ITPR1: variants seen among roughly 807,000 people sequenced by gnomAD.
ITPR1 encodes the protein inositol 1,4,5-trisphosphate receptor type 1.
A neutral mutation model predicts 318.4 loss-of-function variants in ITPR1; 96 were observed. The observed-to-expected ratio is 0.30, with a 90% CI of 0.26 to 0.36. ITPR1 has a LOEUF of 0.36. ITPR1 is among the 10% of genes least tolerant of loss of function. The pLI is 1.00. For missense variants in ITPR1, 2,440 were observed against 3,460.2 expected, an observed-to-expected ratio of 0.71 and a Z score of 7.40; for synonymous variants, 1,312 against 1,289.9, an observed-to-expected ratio of 1.02 and a Z score of -0.37.
At chr3:4,597,244 T>C (rs1271206927) in intron 4 of ITPR1, among the ~76,000 whole-genome samples, 1 of 152,226 alleles carries the variant, frequency 6.6e-6, no homozygotes, top group African/African-American at 2.4e-5. Context: ...TAAAACATTG[T>C]GTAGGCCAGA....
intron 61 of ITPR1, among the ~76,000 whole-genome samples, chr3:4,837,421 GCTTA>G (rs758738725): frequency 2.6e-5 from 4 of 151,990 alleles, no homozygotes; most frequent in African/African-American, 7.3e-5. Flanking sequence ...TTTCTCAGTG[GCTTA>G]CTGAGTGGCT....
chr3:4,568,112 T>G lies in ITPR1; in HGVS notation c.163+47018T>G, dbSNP rs540379536. Among the ~76,000 whole-genome samples, 3 of 151,980 alleles carry G rather than the reference T, an allele frequency of 2.0e-5. No homozygotes were observed. The East Asian group carries it at 5.8e-4, about 29-fold the overall frequency. On this transcript the variant is annotated intron_variant, in intron 4 of 61. Coordinates refer to ENST00000649015, the MANE Select transcript of ITPR1 (RefSeq NM_001378452.1). ...CCTGAGAAGAGAAGGAGATTAAGAG[T>G]CTGTGATTTTTACATAGTTGGGCCC...
At chr3:4,742,771 A>G (rs1186509014) in intron 44 of ITPR1, among the ~76,000 whole-genome samples, 3 of 152,084 alleles carry the variant, frequency 2.0e-5, no homozygotes, top group African/African-American at 7.2e-5. Context: ...AATTAATAAT[A>G]TTTTTATTTA....
chr3:4,787,337 C>CAAAAAAA (rs71053443), intron 51 of ITPR1, among the ~76,000 whole-genome samples: 46 of 51,334 alleles, frequency 9.0e-4, no homozygotes, highest in Middle Eastern at 0.016. Flanking sequence ...GACTCCATCT[C>CAAAAAAA]AAAAAAAAAA....
chr3:4,691,922 C>T (rs1222884033), intron 32 of ITPR1, among the ~76,000 whole-genome samples: 6 of 152,118 alleles, frequency 3.9e-5, no homozygotes, highest in African/African-American at 1.4e-4. Flanking sequence ...GAGGCTGAGG[C>T]AGGAGCATCA....
chr3:4,557,478 C>T (rs991783675), intron 4 of ITPR1, among the ~76,000 whole-genome samples: 1 of 152,106 alleles, frequency 6.6e-6, no homozygotes, highest in Non-Finnish European at 1.5e-5. Flanking sequence ...ATCACTGTGT[C>T]ATTCACCACC....
chr3:4,665,097 C>T (rs1233506635), intron 16 of ITPR1, 41 bp from the exon 17 acceptor site: 1 of 1,609,886 alleles, frequency 6.2e-7, no homozygotes. Context: ...GCTTTGAAGC[C>T]CTAAGTGATT....
At chr3:4,609,048 C>A (rs1185637304) in intron 4 of ITPR1, among the ~76,000 whole-genome samples, 20 of 20,684 alleles carry the variant, frequency 9.7e-4, no homozygotes, top group Non-Finnish European at 1.1e-3. Context: ...ACAACAACAA[C>A]GAAATATATA....
At chr3:4,706,478 A>G in intron 37 of ITPR1, 127 bp downstream of exon 37, 2 of 786,844 alleles carry the variant, frequency 2.5e-6, no homozygotes, top group Non-Finnish European at 3.9e-6. Context: ...TGCTGAACGA[A>G]TAGTCAAATG....
At chr3:4,785,680 A>G (rs2047150070) in intron 51 of ITPR1, among the ~76,000 whole-genome samples, 1 of 152,210 alleles carries the variant, frequency 6.6e-6, no homozygotes, top group African/African-American at 2.4e-5. Context: ...CAGAGGAGAA[A>G]AGGACCTTGG....
At chr3:4,546,793 A>G (rs1274607066) in intron 4 of ITPR1, among the ~76,000 whole-genome samples, 1 of 142,618 alleles carries the variant, frequency 7.0e-6, no homozygotes, top group Non-Finnish European at 1.5e-5. Context: ...CCTTTGAATC[A>G]TCTTGTGCTG....
intron 44 of ITPR1, among the ~76,000 whole-genome samples, chr3:4,745,948 T>C (rs2044075070): frequency 6.6e-6 from 1 of 152,244 alleles, no homozygotes; most frequent in Non-Finnish European, 1.5e-5. Context: ...CAGGAACTAA[T>C]CTGTGCCCAC....
chr3:4,660,789 G>A (rs749167001), intron 13 of ITPR1, among the ~76,000 whole-genome samples, 199 bp from the exon 14 acceptor site: 17 of 152,100 alleles, frequency 1.1e-4, no homozygotes, highest in East Asian at 1.9e-4. Flanking sequence ...CTGTAGAGTC[G>A]TTATGAATGA....
Position 4,768,518 on chromosome 3 carries a change from G to T in ITPR1, c.5733G>T (p.Glu1911Asp). Reference sequence around the variant, plus strand: ...CTTATGCTTGCTTTCTAGCTAAAGAGCCCACAACACAGATAACAGAAGAGG... The same window carrying T: ...CTTATGCTTGCTTTCTAGCTAAAGATCCCACAACACAGATAACAGAAGAGG... ...RDAPSRKKAK[E>D]PTTQITEEVR... Residue 1911 changes from glutamate (E) to aspartate (D), a missense_variant, in exon 46 of 62, where the codon GAG becomes GAT. Transcript: ENST00000649015. 6.2e-7 allele frequency: 1 copy of T among 1,606,584 alleles called. No individual in the cohort carries two copies. Among genetic ancestry groups the T allele is most frequent in the Non-Finnish European group, 8.5e-7 (1 of 1,174,542 alleles).
intron 4 of ITPR1, among the ~76,000 whole-genome samples, chr3:4,529,490 G>T (rs750614996): frequency 6.6e-6 from 1 of 152,168 alleles, no homozygotes; most frequent in Non-Finnish European, 1.5e-5. Flanking sequence ...TTATAATCCC[G>T]TCTTGAGCAT....
chr3:4,763,172 AG>A (rs1417838096), intron 44 of ITPR1, among the ~76,000 whole-genome samples: 1 of 152,230 alleles, frequency 6.6e-6, no homozygotes, highest in South Asian at 2.1e-4. Context: ...GGACACAGGG[AG>A]GGGAACAACA....
chr3:4,562,941 C>T (rs1240905414), intron 4 of ITPR1, among the ~76,000 whole-genome samples: 1 of 125,836 alleles, frequency 7.9e-6, no homozygotes, highest in Non-Finnish European at 1.6e-5. Flanking sequence ...GGATGTGATG[C>T]AGCATGACTG....
At chr3:4,675,944 T>C (rs1294847945) in intron 23 of ITPR1, among the ~76,000 whole-genome samples, 1 of 152,150 alleles carries the variant, frequency 6.6e-6, no homozygotes, top group Non-Finnish European at 1.5e-5. Flanking sequence ...AGACTGAGGC[T>C]TAGAGGTAGT....
chr3:4,643,003 TG>T (rs2093372134), intron 7 of ITPR1, among the ~76,000 whole-genome samples: 1 of 152,226 alleles, frequency 6.6e-6, no homozygotes, highest in Non-Finnish European at 1.5e-5. Context: ...ACTTTAAAAC[TG>T]GTTTTGACAC....
Sources: allele counts gnomAD v4.1 joint callset (sites outside exome capture counted in the v4.1 genomes callset), GRCh38; gene constraint gnomAD v4.1.1; transcripts MANE v1.5; gene names NCBI Gene and HGNC (gene_info 2026-07-23, HGNC 2026-07-21).